PROM1: variants seen among roughly 807,000 people sequenced by gnomAD.
PROM1 encodes prominin 1.
In PROM1, 105 loss-of-function variants were observed where a neutral mutation model predicts 116.9. The observed-to-expected ratio is 0.90, with a 90% CI of 0.77 to 1.06. The LOEUF (loss-of-function observed/expected upper bound fraction) is 1.06, where lower values mean the gene tolerates loss of function less well. Among genes scored for constraint, PROM1 ranks in the 50% least tolerant of loss-of-function variants. PROM1 has a pLI of 0.00. For synonymous variants in PROM1, 393 were observed against 387.0 expected (o/e 1.02, Z -0.18); for missense variants, 1,122 against 1,045.2 (o/e 1.07, Z -1.01).
At chr4:16,073,801 T>C (rs924702848) in intron 2 of PROM1, among the ~76,000 whole-genome samples, 1 of 152,166 alleles carries the variant, frequency 6.6e-6, no homozygotes, top group African/African-American at 2.4e-5. Context: ...TTGTAATGCA[T>C]TGGAAGTTGT....
chr4:16,078,389 C>T (rs1171155586), intron 1 of PROM1: 1 of 152,258 alleles, frequency 6.6e-6, no homozygotes, highest in East Asian at 1.9e-4. Context: ...GGCTGCAAAG[C>T]TTTAGAGCAG....
At chr4:16,031,328 C>T (rs559466424) in intron 5 of PROM1, among the ~76,000 whole-genome samples, 7 of 151,802 alleles carry the variant, frequency 4.6e-5, no homozygotes, top group Non-Finnish European at 8.8e-5. Flanking sequence ...ACAAATGTGG[C>T]GTGTAAGTTT....
intron 2 of PROM1, among the ~76,000 whole-genome samples, chr4:16,073,432 T>C (rs543671992): frequency 6.6e-6 from 1 of 152,308 alleles, no homozygotes; most frequent in African/African-American, 2.4e-5. Context: ...GGAAAAATCA[T>C]GATTATCTTA....
chr4:16,043,753 A>G (rs1017079478), intron 2 of PROM1, among the ~76,000 whole-genome samples: 1 of 152,202 alleles, frequency 6.6e-6, no homozygotes, highest in Non-Finnish European at 1.5e-5. Flanking sequence ...AGGTTGCCCC[A>G]TGACGCTGTC....
chr4:15,998,721 A>C (rs1009814273), intron 14 of PROM1, among the ~76,000 whole-genome samples: 2 of 151,676 alleles, frequency 1.3e-5, no homozygotes, highest in Non-Finnish European at 2.9e-5. Context: ...TTTTTTGAGA[A>C]CTTTTTTTTT....
At chr4:16,034,448 C>G (rs553057452) in intron 4 of PROM1, among the ~76,000 whole-genome samples, 3 of 152,218 alleles carry the variant, frequency 2.0e-5, no homozygotes, top group African/African-American at 7.2e-5. Flanking sequence ...CATGCCATGC[C>G]CAGGAGCCAG....
rs1411267641 is a variant in PROM1, at chr4:16,006,635, A to G, written c.1357T>C (p.Tyr453His). 2 of 1,612,744 alleles carry G rather than the reference A, an allele frequency of 1.2e-6. 1 individual carries two copies. Among genetic ancestry groups the G allele is most frequent in the Non-Finnish European group, 1.7e-6 (2 of 1,179,476 alleles). ...CACACGCCACACAGTAAGCCCAGGT[A>G]GTAAAAAATCACGATGAGGGTCAGC... ...SLLTLIVIFYYLGLLCGVCGY... is the reference protein window; with the variant it reads ...SLLTLIVIFYHLGLLCGVCGY... Residue 453 changes from tyrosine (Y) to histidine (H), a missense_variant, in exon 13 of 28, where the codon TAC (tyrosine) becomes CAC (histidine). Transcript: ENST00000447510.
Position 15,969,209 on chromosome 4 carries a change from T to C in PROM1, c.*184A>G, listed in dbSNP as rs1159245914. On this transcript the variant is annotated 3_prime_UTR_variant, in exon 28 of 28. Transcript: ENST00000447510. ...GACCATGGACTATAACGTGATTGTG[T>C]TCATTCTTAAAGCACTACCCAGAGA... 3 of 152,160 alleles carry C rather than the reference T, an allele frequency of 2.0e-5. No individual in the cohort carries two copies. The East Asian group carries it at 5.8e-4, about 29-fold the overall frequency. 9.4% of individuals were successfully genotyped at this position (152,160 alleles called of 1,614,324 possible). A position where few individuals can be genotyped will look rare whatever the true frequency, so the allele number is the denominator to read the frequency against.
chr4:15,978,966 A>G (rs1367571294), intron 26 of PROM1, among the ~76,000 whole-genome samples: 1 of 151,742 alleles, frequency 6.6e-6, no homozygotes, highest in Non-Finnish European at 1.5e-5. Context: ...GGTTGGTTAC[A>G]GTTAATTTAT....
chr4:16,074,205 A>G (rs530759729), intron 2 of PROM1, among the ~76,000 whole-genome samples: 2 of 152,262 alleles, frequency 1.3e-5, no homozygotes, highest in African/African-American at 4.8e-5. Context: ...TTTTGAAATA[A>G]CTAAAAGAGT....
chr4:15,977,809 AG>A (rs1479664199), intron 26 of PROM1, among the ~76,000 whole-genome samples: 1 of 152,202 alleles, frequency 6.6e-6, no homozygotes, highest in Admixed American at 6.5e-5. Context: ...CGTGTTAGCC[AG>A]GATGGTCTTG....
intron 2 of PROM1, among the ~76,000 whole-genome samples, chr4:16,062,250 G>T (rs1040031610): frequency 6.6e-6 from 1 of 152,080 alleles, no homozygotes; most frequent in Non-Finnish European, 1.5e-5. Context: ...GCCTACCCCT[G>T]TATGACCTAA....
rs1486300557 is a variant in PROM1 at position 15,991,302 on chromosome 4, G to C, written c.1912-9C>G. The C allele has an allele frequency of 6.3e-7, 1 of 1,579,782 alleles. No individual in the cohort carries two copies. The highest frequency in any genetic ancestry group is 1.4e-5 in the African/African-American group (1 of 72,566). The stretch of plus-strand genomic sequence containing the variant: ...GCGGGGGATTTACCAGTCTACAATA[G>C]AAGTGAAAAAAATTGTCTTATGGAT... On this transcript the variant is annotated splice_polypyrimidine_tract_variant and intron_variant, in intron 17 of 27. Coordinates refer to ENST00000447510, the MANE Select transcript of PROM1 (RefSeq NM_006017.3).
chr4:16,013,462 G>T, intron 10 of PROM1, 124 bp from the exon 11 acceptor site: 1 of 668,778 alleles, frequency 1.5e-6, no homozygotes, highest in Non-Finnish European at 2.7e-6. Flanking sequence ...CATCTTAAGG[G>T]TGAAATGATC....
intron 20 of PROM1, 94 bp from the exon 21 acceptor site, chr4:15,986,131 T>C: frequency 1.1e-6 from 1 of 878,274 alleles, no homozygotes; most frequent in South Asian, 1.7e-5. Context: ...AACTCAGCTC[T>C]GCAACACCAC....
chr4:16,048,626 A>G (rs1737091697), intron 2 of PROM1, among the ~76,000 whole-genome samples: 1 of 151,748 alleles, frequency 6.6e-6, no homozygotes, highest in Admixed American at 6.6e-5. Context: ...CTTTTTTCCT[A>G]TATCAGTTCC....
rs115398085 is a variant in PROM1, at chr4:16,004,073, G to A, written c.1454+2465C>T. On this transcript the variant is annotated intron_variant, in intron 13 of 27. Coordinates refer to ENST00000447510, the MANE Select transcript of PROM1 (RefSeq NM_006017.3). ...GAAACTGCATTCTTCTAATTAGTCTGATTAGACTGATGACGCTTGTATCAT... is the reference window on the plus strand; with the variant it reads ...GAAACTGCATTCTTCTAATTAGTCTAATTAGACTGATGACGCTTGTATCAT... Among the ~76,000 whole-genome samples, 1,009 of 152,332 alleles carry A rather than the reference G, an allele frequency of 6.6e-3. 7 individuals are homozygous for A. The highest frequency in any genetic ancestry group is 0.023 in the African/African-American group (957 of 41,578).
chr4:16,054,748 T>TC (rs1738615484), intron 2 of PROM1, among the ~76,000 whole-genome samples: 1 of 152,004 alleles, frequency 6.6e-6, no homozygotes, highest in African/African-American at 2.4e-5. Flanking sequence ...TCCAGCCAGA[T>TC]CCCCGACCTC....
In PROM1 at chr4:16,005,491, GTTTGGTGTGTGTGT is replaced by G. The variant is rs1427055673; in HGVS notation, c.1454+1033_1454+1046del. Among the ~76,000 whole-genome samples the G allele has an allele frequency of 1.1e-4, 14 of 125,130 alleles. No homozygotes were observed. The Admixed American group carries it at 1.2e-3, about 11-fold the overall frequency. 82.1% of individuals were successfully genotyped at this position (125,130 alleles called of 152,430 possible). On this transcript the variant is annotated intron_variant, in intron 13 of 27. Coordinates refer to ENST00000447510, the MANE Select transcript of PROM1 (RefSeq NM_006017.3). ...TCCAGTGACCCAAAGTTTTTTGTTT[GTTTGGTGTGTGTGT>G]GTGTGTGTGTGTGTGTGTGTGTGTG...
Sources: gnomAD v4.1 joint callset for allele counts (sites outside exome capture counted in the v4.1 genomes callset) on GRCh38, gnomAD v4.1.1 for gene constraint, MANE v1.5 for transcripts, NCBI Gene and HGNC (gene_info 2026-07-23, HGNC 2026-07-21) for gene names.